CRACDL: variants seen among roughly 807,000 people sequenced by gnomAD.
CRACDL encodes the protein CRACD like.
A neutral mutation model predicts 70.6 loss-of-function variants in CRACDL; 26 were observed. The observed-to-expected ratio is 0.37, with a 90% confidence interval of 0.27 to 0.51. CRACDL has a LOEUF of 0.51. Among genes scored for constraint, CRACDL ranks in the 20% least tolerant of loss-of-function variants. The pLI is 0.94. For synonymous variants in CRACDL, 618 were observed against 615.2 expected (o/e 1.00, Z -0.07); for missense variants, 1,283 against 1,376.9 (o/e 0.93, Z 1.08).
At chr2:98,796,786 C>T (rs796701305) in intron 8 of CRACDL, among the ~76,000 whole-genome samples, 3 of 152,224 alleles carry the variant, frequency 2.0e-5, no homozygotes, top group African/African-American at 7.2e-5. Context: ...ACAAAAATTG[C>T]GAGTCTCGGC....
chr2:98,809,539 T>G (rs1468774591), intron 7 of CRACDL, among the ~76,000 whole-genome samples: 2 of 152,194 alleles, frequency 1.3e-5, no homozygotes, highest in Admixed American at 6.5e-5. Flanking sequence ...AGACTCTGCA[T>G]GAGGGAAGTT....
chr2:98,817,673 G>T (rs956166), intron 7 of CRACDL, among the ~76,000 whole-genome samples: 2,378 of 152,288 alleles, frequency 0.016, 182 homozygotes, highest in Admixed American at 0.12. Context: ...GGCCAAGAAA[G>T]AGCTTGCATG....
At chr2:98,921,489 A>T (rs1192447854) in intron 1 of CRACDL, among the ~76,000 whole-genome samples, 1 of 152,210 alleles carries the variant, frequency 6.6e-6, no homozygotes, top group Admixed American at 6.5e-5. Flanking sequence ...AACGTGGGTG[A>T]ATTCTTGCCC....
intron 8 of CRACDL, 40 bp downstream of exon 8, chr2:98,797,310 C>T (rs2104394095): frequency 1.3e-6 from 2 of 1,591,842 alleles, no homozygotes; most frequent in South Asian, 1.1e-5. Context: ...CTGGCTGCTC[C>T]CTCCTGCACC....
rs577729318 is a variant in CRACDL, at chr2:98,814,566, G to C, written c.2416+7291C>G. 2.0e-5 allele frequency among the ~76,000 whole-genome samples: 3 copies of C among 152,258 alleles called. No individual in the cohort carries two copies. The East Asian group carries it at 5.8e-4, about 29-fold the overall frequency. ...AATTCTTTCGAATTTAATAAGGGCT[G>C]TTTAGTGACCTAGAATATGGTCTAT... is the stretch of plus-strand genomic sequence containing the variant. On this transcript the variant is annotated intron_variant, in intron 7 of 9. Transcript: ENST00000397899.
chr2:98,815,433 T>G (rs922554666), intron 7 of CRACDL, among the ~76,000 whole-genome samples: 5 of 152,222 alleles, frequency 3.3e-5, no homozygotes, highest in African/African-American at 1.2e-4. Context: ...TCTCCACTCC[T>G]CAAGGTTCTA....
chr2:98,922,159 G>T (rs1240178771), intron 1 of CRACDL, among the ~76,000 whole-genome samples: 1 of 151,992 alleles, frequency 6.6e-6, no homozygotes, highest in Non-Finnish European at 1.5e-5. Context: ...AAAATAGCCG[G>T]GCACGGTGGC....
chr2:98,850,267 C>T (rs538106671), intron 1 of CRACDL, among the ~76,000 whole-genome samples: 12 of 152,342 alleles, frequency 7.9e-5, no homozygotes, highest in East Asian at 1.9e-4. Flanking sequence ...AATGTCTGTC[C>T]GGAGTCCGCA....
chr2:98,823,094 A>G lies in CRACDL; in HGVS notation c.1179T>C (p.Cys393=), dbSNP rs1161444023. ...PATDKAEEVV[C]APEDVASPFP... ...ACGGGCTCGCGACGTCTTCGGGAGC[A>G]CAGACCACCTCCTCCGCCTTGTCCG... is the stretch of plus-strand genomic sequence containing the variant. The change falls in exon 7 of 10, where the codon TGT becomes TGC. Residue 393 remains cysteine (C), a synonymous_variant. Coordinates refer to ENST00000397899, the MANE Select transcript of CRACDL (RefSeq NM_207362.3). This position sits in a 1 kb window ranked among gnomAD's most constrained non-coding sequence, Gnocchi z 4.0. The G allele has an allele frequency of 6.3e-7, 1 of 1,579,202 alleles. No homozygotes were observed. Among genetic ancestry groups the G allele is most frequent in the Non-Finnish European group, 8.6e-7 (1 of 1,165,856 alleles).
At chr2:98,901,256 AT>A (rs1449295641) in intron 1 of CRACDL, among the ~76,000 whole-genome samples, 1 of 152,206 alleles carries the variant, frequency 6.6e-6, no homozygotes, top group Non-Finnish European at 1.5e-5. Context: ...AATGGTGACC[AT>A]TTTGACCATG....
intron 1 of CRACDL, among the ~76,000 whole-genome samples, chr2:98,898,584 C>T (rs2104650995): frequency 6.6e-6 from 1 of 152,348 alleles, no homozygotes; most frequent in African/African-American, 2.4e-5. Flanking sequence ...GTCTGACCTC[C>T]TTGGCCTGCC....
chr2:98,795,077 A>ATATATATATATATATTTTTTTT, intron 9 of CRACDL, among the ~76,000 whole-genome samples: 10 of 58,456 alleles, frequency 1.7e-4, no homozygotes, highest in Admixed American at 6.6e-4. Context: ...ATATATATAT[A>ATATATATATATATATTTTTTTT]TTTTTTTTTT....
intron 1 of CRACDL, chr2:98,912,613 G>A (rs1708570937): frequency 6.6e-6 from 1 of 152,474 alleles, no homozygotes; most frequent in African/African-American, 2.4e-5. Context: ...CCCCACTGTG[G>A]TTGAGGGTGC....
chr2:98,795,075 A>ATTTTTTTT (rs1310155610), intron 9 of CRACDL, among the ~76,000 whole-genome samples: 392 of 24,430 alleles, frequency 0.016, 35 homozygotes, highest in East Asian at 0.044. Context: ...ATATATATAT[A>ATTTTTTTT]TATTTTTTTT....
chr2:98,929,120 T>C (rs1012676364), intron 1 of CRACDL, among the ~76,000 whole-genome samples: 4 of 152,306 alleles, frequency 2.6e-5, no homozygotes, highest in Admixed American at 2.6e-4. Context: ...AAGTTCTTAA[T>C]ACCCCTCCTT....
intron 1 of CRACDL, among the ~76,000 whole-genome samples, chr2:98,918,538 C>CA (rs1293393162): frequency 2.3e-5 from 1 of 43,958 alleles, no homozygotes; most frequent in African/African-American, 1.2e-4. Flanking sequence ...ATGTTGTCTA[C>CA]CAAAAAAAAA....
At chr2:98,832,212 G>A in intron 5 of CRACDL, 136 bp downstream of exon 5, 1 of 860,410 alleles carries the variant, frequency 1.2e-6, no homozygotes, top group Non-Finnish European at 1.9e-6. Context: ...AGGGCTGATT[G>A]TAGGCTCCAG....
chr2:98,811,171 T>C (rs2104435625), intron 7 of CRACDL, among the ~76,000 whole-genome samples: 1 of 152,044 alleles, frequency 6.6e-6, no homozygotes, highest in African/African-American at 2.4e-5. Flanking sequence ...TTAAAGAGGT[T>C]CAGAAAGGGG....
chr2:98,891,376 CAAAAAAAAAAAA>C (rs548988640), intron 1 of CRACDL, among the ~76,000 whole-genome samples: 543 of 37,902 alleles, frequency 0.014, 14 homozygotes, highest in Non-Finnish European at 0.021. Context: ...GACTCCGTCT[CAAAAAAAAAAAA>C]AAAAAAAAAA....
Sources: gnomAD v4.1 joint callset for allele counts (sites outside exome capture counted in the v4.1 genomes callset) on GRCh38, gnomAD v4.1.1 for gene constraint, Gnocchi (gnomAD v3.1) non-coding constraint, MANE v1.5 for transcripts, NCBI Gene and HGNC (gene_info 2026-07-23, HGNC 2026-07-21) for gene names.